The following GPR137B variants were observed in gnomAD, a reference collection of about 807,000 sequenced individuals.
GPR137B encodes G protein-coupled receptor 137B, also known as integral membrane protein GPR137B.
In GPR137B, 42 loss-of-function variants were observed where a neutral mutation model predicts 42.5. That is an observed-to-expected ratio of 0.99 (90% CI 0.77 to 1.28). The LOEUF (loss-of-function observed/expected upper bound fraction) is 1.28, where lower values mean the gene tolerates loss of function less well. GPR137B is among the 50% of genes most tolerant of loss of function. The pLI is 0.00. For synonymous variants in GPR137B, 218 were observed against 209.7 expected, an observed-to-expected ratio of 1.04 and a Z score of -0.34; for missense variants, 487 against 493.9, an observed-to-expected ratio of 0.99 and a Z score of 0.13.
In GPR137B at chr1:236,142,733, G is replaced by GC. The variant is rs768730454; in HGVS notation, c.117dup (p.Tyr40LeufsTer159). On this transcript the variant is annotated frameshift_variant, in exon 1 of 7. Coordinates refer to ENST00000366592, the MANE Select transcript of GPR137B (RefSeq NM_003272.4). LOFTEE classifies it high-confidence loss of function. ...TGCCGCCCACGCTGACCCCGGCCGT[G>GC]CCCCCCTACGTGAAGCTTGGCCTCA... The GC allele has an allele frequency of 1.9e-6, 3 of 1,610,500 alleles. No homozygotes were observed. The highest frequency in any genetic ancestry group is 1.6e-4 in the Middle Eastern group (1 of 6,062).
intron 1 of GPR137B, among the ~76,000 whole-genome samples, chr1:236,163,168 TTGAC>T (rs1200554376): frequency 6.6e-6 from 1 of 152,172 alleles, no homozygotes; most frequent in Non-Finnish European, 1.5e-5. Context: ...GCTTTAAACT[TTGAC>T]TGACCTGCTG....
At chr1:236,191,674 T>G (rs1035102336) in intron 5 of GPR137B, among the ~76,000 whole-genome samples, 8 of 152,348 alleles carry the variant, frequency 5.3e-5, no homozygotes, top group Non-Finnish European at 8.8e-5. Context: ...CAGCAAAGAT[T>G]GCTGCCTGTT....
Position 236,208,597 on chromosome 1 carries a change from T to C in GPR137B, c.*439T>C. 5 of 980,146 alleles carry C rather than the reference T, an allele frequency of 5.1e-6. No individual in the cohort carries two copies. The highest frequency in any genetic ancestry group is 6.1e-6 in the Non-Finnish European group (5 of 824,310). The allele number at this position is 980,146 out of a possible 1,614,324, so 60.7% of individuals were successfully genotyped here. A position where few individuals can be genotyped will look rare whatever the true frequency, so the allele number is the denominator to read the frequency against. ...TAAAGTATTCCACAAATCTTACCTC[T>C]TTAGGTCACTGATGGTCACTCCGAT... On this transcript the variant is annotated 3_prime_UTR_variant, in exon 7 of 7. Coordinates refer to ENST00000366592, the MANE Select transcript of GPR137B (RefSeq NM_003272.4).
chr1:236,163,305 G>A (rs1041608882), intron 1 of GPR137B, among the ~76,000 whole-genome samples: 6 of 152,170 alleles, frequency 3.9e-5, no homozygotes, highest in African/African-American at 7.2e-5. Context: ...GCTTGCTTTC[G>A]ATTTTACAGG....
intron 1 of GPR137B, among the ~76,000 whole-genome samples, chr1:236,152,752 C>T (rs1661906443): frequency 6.6e-6 from 1 of 151,302 alleles, no homozygotes. Flanking sequence ...GAAACTCCAT[C>T]TCAAAAAGAA....
intron 1 of GPR137B, among the ~76,000 whole-genome samples, chr1:236,159,781 C>G (rs1662136266): frequency 6.6e-6 from 1 of 152,232 alleles, no homozygotes; most frequent in Admixed American, 6.5e-5. Flanking sequence ...ATGCAGAGCT[C>G]TAGGCCTTCC....
intron 1 of GPR137B, among the ~76,000 whole-genome samples, chr1:236,166,201 T>G (rs1662347784): frequency 6.6e-6 from 1 of 152,196 alleles, no homozygotes; most frequent in African/African-American, 2.4e-5. Context: ...AGAAAGGCAT[T>G]GTTCTGTGTT....
intron 1 of GPR137B, among the ~76,000 whole-genome samples, chr1:236,149,092 C>T (rs545641896): frequency 6.6e-5 from 10 of 152,172 alleles, no homozygotes; most frequent in Non-Finnish European, 1.3e-4. Context: ...GCTCTTGCTT[C>T]GACACCCAGC....
chr1:236,178,829 A>C (rs1349429588), intron 3 of GPR137B, among the ~76,000 whole-genome samples, 193 bp downstream of exon 3: 2 of 44,784 alleles, frequency 4.5e-5, no homozygotes, highest in Non-Finnish European at 5.7e-5. Flanking sequence ...ACGGAGTCTC[A>C]CTCTGTCTCC....
chr1:236,167,151 A>G (rs1662383993), intron 1 of GPR137B, among the ~76,000 whole-genome samples: 1 of 152,194 alleles, frequency 6.6e-6, no homozygotes, highest in African/African-American at 2.4e-5. Context: ...GACGGAATAT[A>G]TTCAAAGTGT....
In GPR137B at chr1:236,150,481, T is replaced by G. The variant is rs1245877546; in HGVS notation, c.414+7445T>G. On this transcript the variant is annotated intron_variant, in intron 1 of 6. Coordinates refer to ENST00000366592, the MANE Select transcript of GPR137B (RefSeq NM_003272.4). The surrounding 1 kb of genome is among the most constrained non-coding windows in gnomAD (Gnocchi z 6.2). Reference sequence around the variant, plus strand: ...GGCAGCGTGCTCTTCTCTCTGCAGCTGAGGCTGTGACCGCATCAGTGCCTC... The same window carrying G: ...GGCAGCGTGCTCTTCTCTCTGCAGCGGAGGCTGTGACCGCATCAGTGCCTC... Among the ~76,000 whole-genome samples the G allele has an allele frequency of 6.6e-6, 1 of 152,228 alleles. No individual in the cohort carries two copies. Among genetic ancestry groups the G allele is most frequent in the Non-Finnish European group, 1.5e-5 (1 of 68,038 alleles).
intron 2 of GPR137B, among the ~76,000 whole-genome samples, chr1:236,169,826 G>T (rs1662479314): frequency 6.6e-6 from 1 of 152,028 alleles, no homozygotes; most frequent in Non-Finnish European, 1.5e-5. Flanking sequence ...GATCACTTGA[G>T]GTCAGGAGTT....
intron 2 of GPR137B, 58 bp from the exon 3 acceptor site, chr1:236,178,356 G>A (rs1244339391): frequency 2.0e-6 from 2 of 1,007,900 alleles, no homozygotes; most frequent in African/African-American, 1.6e-5. Context: ...ACACATCTCA[G>A]TGTCCTTCTA....
intron 2 of GPR137B, among the ~76,000 whole-genome samples, chr1:236,175,886 C>T (rs1477894503): frequency 2.0e-5 from 3 of 151,922 alleles, no homozygotes; most frequent in Non-Finnish European, 4.4e-5. Context: ...ATTTCAGTTT[C>T]CTGATTCTGA....
chr1:236,145,322 A>G (rs1322803088), intron 1 of GPR137B, among the ~76,000 whole-genome samples: 3 of 152,204 alleles, frequency 2.0e-5, no homozygotes, highest in African/African-American at 4.8e-5. Context: ...TTTAAGAATG[A>G]CTGTTGCTTG....
At chr1:236,164,601 C>T (rs1410558749) in intron 1 of GPR137B, among the ~76,000 whole-genome samples, 1 of 152,202 alleles carries the variant, frequency 6.6e-6, no homozygotes, top group Non-Finnish European at 1.5e-5. Flanking sequence ...CAAAGTCTCT[C>T]AGAACACAGA....
rs751387259 is a variant in GPR137B, at chr1:236,142,909, TCTC to T, written c.290_292del (p.Ser97del). On this transcript the variant is annotated inframe_deletion, in exon 1 of 7. Transcript: ENST00000366592. ...TGGGCCTCCCTGCGGACCGTCCTCT[TCTC>T]CTTCTACTTCAAAGACTTCGTGGCG... The T allele has an allele frequency of 2.1e-5, 34 of 1,614,126 alleles. No homozygotes were observed. Among genetic ancestry groups the T allele is most frequent in the Admixed American group, 6.7e-5 (4 of 60,018 alleles).
chr1:236,166,778 C>T (rs909280359), intron 1 of GPR137B, among the ~76,000 whole-genome samples: 2 of 151,860 alleles, frequency 1.3e-5, no homozygotes, highest in Non-Finnish European at 2.9e-5. Flanking sequence ...TGAGGTCAGG[C>T]GTGAGCCATT....
At chr1:236,177,888 TC>T (rs1662733602) in intron 2 of GPR137B, among the ~76,000 whole-genome samples, 2 of 151,796 alleles carry the variant, frequency 1.3e-5, no homozygotes, top group African/African-American at 4.8e-5. Flanking sequence ...AAGTGAGCGC[TC>T]TCTGGACTCC....
Sources: allele counts gnomAD v4.1 joint callset (sites outside exome capture counted in the v4.1 genomes callset), GRCh38; gene constraint gnomAD v4.1.1; non-coding constraint Gnocchi (gnomAD v3.1); transcripts MANE v1.5; gene names NCBI Gene and HGNC (gene_info 2026-07-23, HGNC 2026-07-21).